RUNX1: variants seen among roughly 807,000 people sequenced by gnomAD.
RUNX1 encodes the protein RUNX family transcription factor 1.
RUNX1 carries 19 observed loss-of-function variants against 42.8 expected under a neutral mutation model. The ratio of observed to expected loss-of-function variants is 0.44; its 90% CI spans 0.31 to 0.65. RUNX1 has a LOEUF of 0.65. Ranked by LOEUF, RUNX1 falls within the 30% of genes least tolerant of loss-of-function variation. The pLI is 0.07. For missense variants in RUNX1, 528 were observed against 672.0 expected (o/e 0.79, Z 2.37); for synonymous variants, 271 against 289.4 (o/e 0.94, Z 0.64).
chr21:34,841,080 G>A (rs1030311107), intron 6 of RUNX1, among the ~76,000 whole-genome samples: 2 of 152,180 alleles, frequency 1.3e-5, no homozygotes, highest in Admixed American at 6.5e-5. Flanking sequence ...TCATTTCCCA[G>A]CTTCTTGTCT....
chr21:34,937,025 T>C (rs1160537759), intron 2 of RUNX1, among the ~76,000 whole-genome samples: 2 of 152,108 alleles, frequency 1.3e-5, no homozygotes, highest in African/African-American at 2.4e-5. Context: ...TTCTATTGTA[T>C]GACTGACCTA....
intron 2 of RUNX1, among the ~76,000 whole-genome samples, chr21:34,959,660 G>A (rs895359904): frequency 4.6e-5 from 7 of 152,172 alleles, no homozygotes; most frequent in African/African-American, 1.7e-4. Flanking sequence ...CATCTCATCC[G>A]GGTTGGGATG....
intron 2 of RUNX1, among the ~76,000 whole-genome samples, chr21:34,954,963 A>G (rs1460691218): frequency 1.3e-5 from 2 of 152,204 alleles, no homozygotes; most frequent in Non-Finnish European, 2.9e-5. Flanking sequence ...TTTGATGAGA[A>G]GCATGGGATT....
intron 3 of RUNX1, chr21:34,889,711 C>T (rs1265235189): frequency 8.4e-7 from 1 of 1,186,612 alleles, no homozygotes; most frequent in Non-Finnish European, 1.1e-6. Flanking sequence ...CTTCCCCCTG[C>T]GCCGGTCCCC....
chr21:34,948,365 G>T (rs1051263229), intron 2 of RUNX1, among the ~76,000 whole-genome samples: 2 of 152,096 alleles, frequency 1.3e-5, no homozygotes, highest in Non-Finnish European at 2.9e-5. Flanking sequence ...AGAGTGACTT[G>T]CATTTCATTC....
chr21:35,036,379 C>G (rs748513959), intron 2 of RUNX1, among the ~76,000 whole-genome samples: 2 of 152,164 alleles, frequency 1.3e-5, no homozygotes, highest in African/African-American at 2.4e-5. Flanking sequence ...TGGCCAGCCC[C>G]CTGCATTTCC....
At chr21:34,924,138 T>C (rs2058375245) in intron 2 of RUNX1, among the ~76,000 whole-genome samples, 3 of 152,204 alleles carry the variant, frequency 2.0e-5, no homozygotes, top group African/African-American at 4.8e-5. Context: ...GGCTAACTTC[T>C]CTTCACAACA....
chr21:34,796,204 T>C (rs2056525618), intron 8 of RUNX1, among the ~76,000 whole-genome samples: 1 of 152,264 alleles, frequency 6.6e-6, no homozygotes, highest in African/African-American at 2.4e-5. Flanking sequence ...AAGAAAGAGC[T>C]GCAATGCTGC....
At chr21:35,028,330 C>T (rs1601688883) in intron 2 of RUNX1, among the ~76,000 whole-genome samples, 1 of 152,196 alleles carries the variant, frequency 6.6e-6, no homozygotes, top group Admixed American at 6.5e-5. Flanking sequence ...TTTAGGAGTC[C>T]CTGGTCTGCA....
intron 2 of RUNX1, among the ~76,000 whole-genome samples, chr21:34,899,623 GC>G (rs2146481114): frequency 6.6e-6 from 1 of 152,338 alleles, no homozygotes; most frequent in African/African-American, 2.4e-5. Context: ...CTCACAAGGA[GC>G]TGCTTTACAT....
At chr21:34,861,593 T>C (rs1441805563) in intron 5 of RUNX1, among the ~76,000 whole-genome samples, 1 of 152,066 alleles carries the variant, frequency 6.6e-6, no homozygotes, top group Non-Finnish European at 1.5e-5. Flanking sequence ...CCCCAAGTAA[T>C]TTCTCACTCA....
intron 6 of RUNX1, among the ~76,000 whole-genome samples, chr21:34,841,386 G>A (rs1299319399): frequency 6.6e-6 from 1 of 152,164 alleles, no homozygotes; most frequent in Non-Finnish European, 1.5e-5. Flanking sequence ...GTCGGAAAGA[G>A]CTTTTGTACT....
intron 2 of RUNX1, among the ~76,000 whole-genome samples, chr21:34,987,631 T>C (rs1351288621): frequency 6.6e-6 from 1 of 152,058 alleles, no homozygotes. Context: ...GAGGCCTCCT[T>C]TGAAGTCTGA....
chr21:34,884,120 T>C (rs1412903190), intron 4 of RUNX1, among the ~76,000 whole-genome samples: 1 of 152,140 alleles, frequency 6.6e-6, no homozygotes, highest in Non-Finnish European at 1.5e-5. Context: ...GCTAATTCTG[T>C]AAGTACAGCA....
At chr21:34,998,073 A>G (rs1328636494) in intron 2 of RUNX1, among the ~76,000 whole-genome samples, 1 of 152,032 alleles carries the variant, frequency 6.6e-6, no homozygotes, top group African/African-American at 2.4e-5. Context: ...CTACCACTCA[A>G]ATGTATGACT....
chr21:34,813,493 C>T (rs920833478), intron 7 of RUNX1, among the ~76,000 whole-genome samples: 17 of 151,972 alleles, frequency 1.1e-4, no homozygotes, highest in Non-Finnish European at 1.8e-4. Context: ...TTGTGAGAAT[C>T]CTGGGTGGCT....
rs1178150549 is a variant in RUNX1 at position 34,877,925 on chromosome 21, CA to C, written c.508+2631del. Reference sequence around the variant, plus strand: ...CAGACTGGTGGCTTTTGACAGAATTCAAAATTGGCACTGAAAGTTTGGATGA... The same window carrying C: ...CAGACTGGTGGCTTTTGACAGAATTCAAATTGGCACTGAAAGTTTGGATGA... On this transcript the variant is annotated intron_variant, in intron 5 of 8. Coordinates refer to ENST00000675419, the MANE Select transcript of RUNX1 (RefSeq NM_001754.5). Among the ~76,000 whole-genome samples the C allele has an allele frequency of 5.9e-5, 9 of 152,192 alleles. No homozygotes were observed. The East Asian group carries it at 1.5e-3, about 26-fold the overall frequency.
At chr21:34,808,292 G>A (rs2056709867) in intron 7 of RUNX1, among the ~76,000 whole-genome samples, 3 of 152,178 alleles carry the variant, frequency 2.0e-5, no homozygotes. Flanking sequence ...ACCCTGCCTG[G>A]GTATGCTGTT....
intron 2 of RUNX1, among the ~76,000 whole-genome samples, chr21:35,047,565 T>C (rs533547690): frequency 9.6e-6 from 1 of 103,832 alleles, no homozygotes; most frequent in Non-Finnish European, 2.1e-5. Context: ...ACACACACTC[T>C]CTCTCTCTCT....
Sources: allele counts gnomAD v4.1 joint callset (sites outside exome capture counted in the v4.1 genomes callset), GRCh38; gene constraint gnomAD v4.1.1; transcripts MANE v1.5; gene names NCBI Gene and HGNC (gene_info 2026-07-23, HGNC 2026-07-21).